The following OSBPL10 variants were observed in gnomAD, a reference collection of about 807,000 sequenced individuals.
The protein encoded by OSBPL10 is oxysterol binding protein like 10.
OSBPL10 carries 49 observed loss-of-function variants against 81.7 expected under a neutral mutation model. The observed-to-expected ratio is 0.60, with a 90% CI of 0.48 to 0.76. The LOEUF is 0.76. Among genes scored for constraint, OSBPL10 ranks in the 30% least tolerant of loss-of-function variants. The probability of loss-of-function intolerance (pLI) is 0.00; values close to 1 mark genes in which losing one functional copy is unlikely to be tolerated. For synonymous variants in OSBPL10, 419 were observed against 383.6 expected, an observed-to-expected ratio of 1.09 and a Z score of -1.08; for missense variants, 923 against 987.8, an observed-to-expected ratio of 0.93 and a Z score of 0.88.
chr3:31,857,927 T>C (rs188346171), intron 3 of OSBPL10, among the ~76,000 whole-genome samples: 7 of 150,644 alleles, frequency 4.6e-5, no homozygotes, highest in South Asian at 2.1e-4. Flanking sequence ...AAAGTAAGTA[T>C]GTGTGTGTCT....
intron 4 of OSBPL10, among the ~76,000 whole-genome samples, chr3:31,754,534 C>A (rs1697832208): frequency 6.6e-6 from 1 of 152,156 alleles, no homozygotes. Flanking sequence ...ACACTGTATA[C>A]TATAAACCAA....
At chr3:31,798,917 C>G (rs6789685) in intron 4 of OSBPL10, among the ~76,000 whole-genome samples, 111,542 of 152,086 alleles carry the variant, frequency 0.73, 40,985 homozygotes, top group East Asian at 0.8. Context: ...TAGATCCCTC[C>G]CAGGCGCAGT....
chr3:31,823,688 T>C (rs1295809950), intron 4 of OSBPL10, among the ~76,000 whole-genome samples: 1 of 152,196 alleles, frequency 6.6e-6, no homozygotes, highest in African/African-American at 2.4e-5. Context: ...TTCCTTAGTA[T>C]ATGAGTATTA....
At chr3:31,718,545 C>CA (rs1696527232) in intron 6 of OSBPL10, among the ~76,000 whole-genome samples, 1 of 152,174 alleles carries the variant, frequency 6.6e-6, no homozygotes, top group Non-Finnish European at 1.5e-5. Context: ...TACTCCTGAA[C>CA]ACATCTTCAT....
chr3:31,750,032 A>G (rs1028732622), intron 4 of OSBPL10, among the ~76,000 whole-genome samples: 1 of 149,354 alleles, frequency 6.7e-6, no homozygotes, highest in Admixed American at 6.7e-5. Context: ...AAACACAAAA[A>G]TAAGCCAGGT....
At position 31,921,142 on chromosome 3, in the gene OSBPL10, A is replaced by G. The variant is rs547976735; in HGVS notation, c.282-41312T>C. On this transcript the variant is annotated intron_variant, in intron 1 of 11. Transcript: ENST00000396556. ...GGGTTCAGATATCAACATGTTAAAC[A>G]TAAGTCAAACTCATGATAAACTTAA... Among the ~76,000 whole-genome samples, 5 of 152,342 alleles carry G rather than the reference A, an allele frequency of 3.3e-5. No homozygotes were observed. In the East Asian group the frequency reaches 9.6e-4, roughly 29 times the overall value.
chr3:31,723,214 G>C (rs1696703905), intron 6 of OSBPL10, among the ~76,000 whole-genome samples: 1 of 152,196 alleles, frequency 6.6e-6, no homozygotes, highest in Non-Finnish European at 1.5e-5. Flanking sequence ...GAATGACAGA[G>C]AAAAGGATGG....
chr3:31,665,279 T>G (rs1700162151), intron 10 of OSBPL10, among the ~76,000 whole-genome samples: 1 of 152,270 alleles, frequency 6.6e-6, no homozygotes, highest in Admixed American at 6.5e-5. Context: ...CTTAAATGCA[T>G]CAGAAGGTCG....
At chr3:31,944,833 TA>T (rs869140991) in intron 1 of OSBPL10, among the ~76,000 whole-genome samples, 55 of 55,098 alleles carry the variant, frequency 1.0e-3, no homozygotes, top group Non-Finnish European at 1.8e-3. Flanking sequence ...CCCCTCTCTT[TA>T]AAAAAAAAAA....
At chr3:31,911,904 G>A (rs1295641177) in intron 1 of OSBPL10, among the ~76,000 whole-genome samples, 1 of 152,106 alleles carries the variant, frequency 6.6e-6, no homozygotes, top group East Asian at 1.9e-4. Flanking sequence ...AGTACAGGCA[G>A]GTGCTGGAAG....
intron 4 of OSBPL10, among the ~76,000 whole-genome samples, chr3:31,792,740 A>T (rs190647301): frequency 1.3e-4 from 17 of 133,704 alleles, no homozygotes; most frequent in South Asian, 2.8e-4. Context: ...CCAGACACAG[A>T]GTGTGTGTGT....
intron 2 of OSBPL10, among the ~76,000 whole-genome samples, chr3:32,002,125 A>T (rs1699155223): frequency 6.6e-6 from 1 of 152,176 alleles, no homozygotes; most frequent in African/African-American, 2.4e-5. Context: ...AAGTCCATCT[A>T]GGGGAAAACA....
chr3:31,864,227 G>C (rs934366185), intron 3 of OSBPL10, among the ~76,000 whole-genome samples: 1 of 151,984 alleles, frequency 6.6e-6, no homozygotes, highest in African/African-American at 2.4e-5. Context: ...AAGTATAAGG[G>C]GCTTTCTCTT....
intron 4 of OSBPL10, among the ~76,000 whole-genome samples, chr3:31,792,470 T>G (rs935295365): frequency 2.6e-5 from 4 of 152,134 alleles, no homozygotes; most frequent in African/African-American, 9.7e-5. Flanking sequence ...TTGGCGACAA[T>G]TAAAAGGCTC....
chr3:31,852,135 T>TAA (rs1700783325), intron 3 of OSBPL10, among the ~76,000 whole-genome samples: 1 of 152,216 alleles, frequency 6.6e-6, no homozygotes, highest in South Asian at 2.1e-4. Flanking sequence ...TGTGGCCATT[T>TAA]AATCTCCCTG....
chr3:31,964,288 C>A (rs926039650), intron 1 of OSBPL10, among the ~76,000 whole-genome samples: 1 of 152,174 alleles, frequency 6.6e-6, no homozygotes, highest in African/African-American at 2.4e-5. Flanking sequence ...TCCCGACTAA[C>A]TGGGACTACA....
intron 1 of OSBPL10, among the ~76,000 whole-genome samples, chr3:31,894,202 AGCGGT>A (rs1695989854): frequency 6.6e-6 from 1 of 152,186 alleles, no homozygotes; most frequent in African/African-American, 2.4e-5. Context: ...GGAGCCCAGG[AGCGGT>A]CGGAGTTGGA....
intron 7 of OSBPL10, among the ~76,000 whole-genome samples, chr3:31,700,679 G>A (rs1330828859): frequency 6.6e-6 from 1 of 152,188 alleles, no homozygotes; most frequent in Non-Finnish European, 1.5e-5. Flanking sequence ...TGGAAACACT[G>A]TGATTTTAGA....
Position 31,981,039 on chromosome 3 carries a change from G to C in OSBPL10, c.141C>G (p.Ala47=). The C allele has an allele frequency of 6.8e-7, 1 of 1,476,652 alleles. No homozygotes were observed. The highest frequency in any genetic ancestry group is 1.3e-5 in the South Asian group (1 of 76,278). The allele number at this position is 1,476,652 out of a possible 1,614,324, so 91.5% of individuals were successfully genotyped here. A position where few individuals can be genotyped will look rare whatever the true frequency, so the allele number is the denominator to read the frequency against. Residue 47 remains alanine, a synonymous_variant, in exon 1 of 12, where the codon GCC becomes GCG. Coordinates refer to ENST00000396556, the MANE Select transcript of OSBPL10 (RefSeq NM_017784.5). The surrounding 1 kb of genome is among the most constrained non-coding windows in gnomAD (Gnocchi z 4.5). ...GRGVSSRSAA[A]GLGGGGSRSS... The stretch of plus-strand genomic sequence containing the variant: ...TGCGGCTTCCCCCGCCGCCGAGCCC[G>C]GCCGCCGCCGACCGGCTGGAGACCC...
Sources: gnomAD v4.1 joint callset for allele counts (sites outside exome capture counted in the v4.1 genomes callset) on GRCh38, gnomAD v4.1.1 for gene constraint, Gnocchi (gnomAD v3.1) non-coding constraint, MANE v1.5 for transcripts, NCBI Gene and HGNC (gene_info 2026-07-23, HGNC 2026-07-21) for gene names.